PTK2: variants seen among roughly 807,000 people sequenced by gnomAD.
PTK2 encodes protein tyrosine kinase 2.
PTK2 carries 45 observed loss-of-function variants against 150.1 expected under a neutral mutation model. That is an observed-to-expected ratio of 0.30 (90% CI 0.24 to 0.38). The LOEUF is 0.38. Ranked by LOEUF, PTK2 falls within the 10% of genes least tolerant of loss-of-function variation. PTK2 has a pLI of 1.00. For missense variants in PTK2, 919 were observed against 1,307.3 expected (o/e 0.70, Z 4.58); for synonymous variants, 432 against 449.2 (o/e 0.96, Z 0.48).
At chr8:140,782,108 G>C (rs2100082022) in intron 14 of PTK2, among the ~76,000 whole-genome samples, 1 of 152,066 alleles carries the variant, frequency 6.6e-6, no homozygotes, top group Non-Finnish European at 1.5e-5. Context: ...AGTGAGCCAG[G>C]TACTAGGAAC....
chr8:140,840,411 AAAT>A (rs1211852343), intron 7 of PTK2, among the ~76,000 whole-genome samples: 1 of 151,710 alleles, frequency 6.6e-6, no homozygotes, highest in African/African-American at 2.4e-5. Context: ...TAACTGTATA[AAAT>A]AATAATAATG....
intron 5 of PTK2, among the ~76,000 whole-genome samples, chr8:140,856,688 A>T (rs2100132872): frequency 6.6e-6 from 1 of 152,184 alleles, no homozygotes; most frequent in South Asian, 2.1e-4. Context: ...CATATTCTAC[A>T]TTCCAGAGGC....
intron 10 of PTK2, among the ~76,000 whole-genome samples, chr8:140,811,732 T>C (rs980841432): frequency 6.6e-6 from 1 of 152,190 alleles, no homozygotes; most frequent in Non-Finnish European, 1.5e-5. Flanking sequence ...ATCAACCTGA[T>C]GGCGCTGAAA....
intron 13 of PTK2, 38 bp from the exon 14 acceptor site, chr8:140,789,564 T>C (rs1378471294): frequency 6.2e-6 from 10 of 1,604,642 alleles, no homozygotes; most frequent in Non-Finnish European, 6.8e-6. Flanking sequence ...GCCCTGCAAT[T>C]TCCCCAGGAC....
At chr8:140,734,389 T>G (rs2100051318) in intron 22 of PTK2, among the ~76,000 whole-genome samples, 1 of 152,214 alleles carries the variant, frequency 6.6e-6, no homozygotes, top group South Asian at 2.1e-4. Context: ...TCAATTCAAT[T>G]CAACAAATGT....
Position 140,917,823 on chromosome 8 carries a change from T to G in PTK2, c.-33+7838A>C, listed in dbSNP as rs1181183858. On this transcript the variant is annotated intron_variant, in intron 2 of 31. Coordinates refer to ENST00000522684, the Ensembl canonical transcript of PTK2. ...TAAAATATATAATGACAAATCACAG[T>G]AAGTGCTATACAAGACCAGAAGAAA... Among the ~76,000 whole-genome samples, 4 of 152,008 alleles carry G rather than the reference T, an allele frequency of 2.6e-5. No individual in the cohort carries two copies. The East Asian group carries it at 5.8e-4, about 22-fold the overall frequency.
At chr8:140,833,149 T>C in intron 7 of PTK2, 1 of 471,522 alleles carries the variant, frequency 2.1e-6, no homozygotes, top group South Asian at 1.5e-5. Context: ...GTATTGCTTT[T>C]ACTTCAAAGG....
At chr8:140,997,846 G>T (rs1445667003) in intron 1 of PTK2, among the ~76,000 whole-genome samples, 1 of 152,192 alleles carries the variant, frequency 6.6e-6, no homozygotes, top group Non-Finnish European at 1.5e-5. Flanking sequence ...GGCTGAGGTG[G>T]GAGGATCACT....
intron 4 of PTK2, among the ~76,000 whole-genome samples, chr8:140,875,611 T>C (rs752507226): frequency 1.3e-5 from 2 of 152,180 alleles, no homozygotes; most frequent in Non-Finnish European, 2.9e-5. Flanking sequence ...TGGCTTACAT[T>C]CTAAGAGATA....
chr8:140,887,691 C>T lies in PTK2; in HGVS notation c.195+2852G>A, dbSNP rs528085727. 1.8e-3 allele frequency among the ~76,000 whole-genome samples: 275 copies of T among 152,042 alleles called. 2 individuals are homozygous for T. The Middle Eastern group carries it at 0.02, about 11-fold the overall frequency. On this transcript the variant is annotated intron_variant, in intron 3 of 31. Coordinates refer to ENST00000522684, the Ensembl canonical transcript of PTK2. ...AAGTAATTTTAAAATTTCTAGTAGT[C>T]ACAGTAAAAAAATAAAATAAAAACA...
At chr8:140,792,161 G>T (rs1209732738) in intron 13 of PTK2, among the ~76,000 whole-genome samples, 1 of 152,154 alleles carries the variant, frequency 6.6e-6, no homozygotes, top group Non-Finnish European at 1.5e-5. Flanking sequence ...TCGCAGAGTT[G>T]CCACCATCCC....
chr8:141,000,436 G>A (rs975622697), intron 1 of PTK2, among the ~76,000 whole-genome samples: 26 of 152,246 alleles, frequency 1.7e-4, no homozygotes, highest in Admixed American at 3.9e-4. Flanking sequence ...GGGGACGGAG[G>A]TCGGGCCGTC....
In PTK2 at chr8:140,954,560, AATAT is replaced by A. The variant is rs200910002; in HGVS notation, c.-121-28815_-121-28812del. On this transcript the variant is annotated intron_variant, in intron 1 of 31. Transcript: ENST00000522684. ...TATTATACTACCTGTCTCAGAAAAA[AATAT>A]ATAAAGTATCTACACATAATAGGCA... 5.7e-3 allele frequency among the ~76,000 whole-genome samples: 862 copies of A among 152,178 alleles called. 11 individuals are homozygous for A. Among genetic ancestry groups the A allele is most frequent in the African/African-American group, 0.019 (781 of 41,498 alleles).
chr8:140,821,728 T>C (rs1167565525), intron 8 of PTK2: 1 of 152,254 alleles, frequency 6.6e-6, no homozygotes, highest in Non-Finnish European at 1.5e-5. Context: ...TGACCAATAG[T>C]TGGTTTTAAC....
chr8:140,660,465 T>C, intron 31 of PTK2: 1 of 396,736 alleles, frequency 2.5e-6, no homozygotes. Context: ...CTCACTCCTG[T>C]ACAATTTCAG....
intron 12 of PTK2, among the ~76,000 whole-genome samples, chr8:140,793,730 T>G (rs2100089952): frequency 6.6e-6 from 1 of 152,222 alleles, no homozygotes; most frequent in African/African-American, 2.4e-5. Context: ...TTCTGCACTT[T>G]GATAAAACTA....
At chr8:140,816,778 G>A (rs1202031350) in intron 10 of PTK2, among the ~76,000 whole-genome samples, 2 of 152,126 alleles carry the variant, frequency 1.3e-5, no homozygotes, top group East Asian at 1.9e-4. Context: ...TATTAAAATG[G>A]AAAAATTAAA....
chr8:140,802,521 A>C (rs2100095726), intron 11 of PTK2, among the ~76,000 whole-genome samples: 1 of 152,158 alleles, frequency 6.6e-6, no homozygotes, highest in African/African-American at 2.4e-5. Context: ...TTTAAAAATA[A>C]ATTTAAGTAT....
chr8:140,928,550 A>C (rs1376790043), intron 1 of PTK2, among the ~76,000 whole-genome samples: 1 of 152,266 alleles, frequency 6.6e-6, no homozygotes, highest in African/African-American at 2.4e-5. Flanking sequence ...AGGTAGAAGT[A>C]ACCCAGGTGT....
Sources: allele counts gnomAD v4.1 joint callset (sites outside exome capture counted in the v4.1 genomes callset), GRCh38; gene constraint gnomAD v4.1.1; transcripts MANE v1.5; gene names NCBI Gene and HGNC (gene_info 2026-07-23, HGNC 2026-07-21).